Variants in VPS13D observed in about 807,000 individuals in gnomAD.
VPS13D encodes the protein vacuolar protein sorting 13 homolog D, also known as intermembrane lipid transfer protein VPS13D.
In VPS13D, 187 loss-of-function variants were observed where a neutral mutation model predicts 461.9. That is an observed-to-expected ratio of 0.40 (90% confidence interval 0.36 to 0.46). VPS13D has a LOEUF of 0.46. VPS13D is among the 20% of genes least tolerant of loss of function. The pLI, the probability that VPS13D is intolerant of heterozygous loss-of-function variation, is 0.60. For synonymous variants in VPS13D, 1,951 were observed against 1,986.3 expected (o/e 0.98, Z 0.47); for missense variants, 4,711 against 5,364.9 (o/e 0.88, Z 3.81).
rs538862365 is a variant in VPS13D at position 12,368,003 on chromosome 1, T to A, written c.10449-465T>A. 2.0e-5 allele frequency among the ~76,000 whole-genome samples: 3 copies of A among 152,302 alleles called. 1 individual carries two copies. The highest frequency in any genetic ancestry group is 6.5e-5 in the Admixed American group (1 of 15,296). On this transcript the variant is annotated intron_variant, in intron 52 of 69. Transcript: ENST00000620676. ...CCAGGCTGGTCTCGAACTCCTGGGC[T>A]AAAGTGATCCTCCCACCTTGGCCTC...
chr1:12,258,310 G>T (rs934439796), intron 10 of VPS13D, among the ~76,000 whole-genome samples: 4 of 152,198 alleles, frequency 2.6e-5, no homozygotes, highest in African/African-American at 9.7e-5. Flanking sequence ...GGGCCATGGG[G>T]TAGGAGGAAG....
chr1:12,412,450 A>AC (rs1644741790), intron 63 of VPS13D, among the ~76,000 whole-genome samples: 5 of 152,372 alleles, frequency 3.3e-5, no homozygotes, highest in African/African-American at 1.2e-4. Context: ...TGGCATTAGT[A>AC]GAAAGCAGAG....
chr1:12,335,822 G>A lies in VPS13D; in HGVS notation c.8546G>A (p.Gly2849Glu). 1 of 1,614,026 alleles carries A rather than the reference G, an allele frequency of 6.2e-7. No homozygotes were observed. Among genetic ancestry groups the A allele is most frequent in the Non-Finnish European group, 8.5e-7 (1 of 1,179,954 alleles). Residue 2849 changes from glycine (G) to glutamate (E), a missense_variant, in exon 39 of 70, where the codon GGA (glycine) becomes GAA (glutamate). Transcript: ENST00000620676. ...TCTTCGGTGGATCCTCCATGTTTTG[G>A]ACAAAGTAAGAGTTTTCACTACATG... Reference protein sequence around the residue: ...MGSSVDPPCFGQSLPLVYLRT... With the variant: ...MGSSVDPPCFEQSLPLVYLRT...
In VPS13D at chr1:12,349,316, A is replaced by G. The variant is rs1317642802; in HGVS notation, c.9373A>G (p.Ile3125Val). 1.2e-6 allele frequency: 2 copies of G among 1,614,108 alleles called. No individual in the cohort carries two copies. The highest frequency in any genetic ancestry group is 2.7e-5 in the African/African-American group (2 of 74,940). Residue 3125 changes from isoleucine (I) to valine (V), a missense_variant, in exon 46 of 70, where the codon ATT becomes GTT. By Grantham distance (29) the Ile-to-Val change is conservative. This residue lies in a region of VPS13D where 4,411 missense variants were observed against 4,937.8 expected (regional missense o/e 0.89). Transcript: ENST00000620676. ...GACCAATGTAGTGAAGACTGCAGAA[A>G]TTAGTAGCAGTAAACGAGAGTGCCA... Reference protein sequence around the residue: ...HWTNVVKTAEISSSKRECHSM... With the variant: ...HWTNVVKTAEVSSSKRECHSM...
intron 67 of VPS13D, among the ~76,000 whole-genome samples, chr1:12,469,728 A>G (rs527496545): frequency 6.6e-6 from 1 of 152,348 alleles, no homozygotes; most frequent in African/African-American, 2.4e-5. Flanking sequence ...TAGAAGTAAC[A>G]ATTGGAAATA....
chr1:12,327,882 A>G, intron 36 of VPS13D, 28 bp downstream of exon 36: 1 of 1,601,654 alleles, frequency 6.2e-7, no homozygotes, highest in Non-Finnish European at 8.5e-7. Flanking sequence ...TTTCAGATTC[A>G]TCTTGAATAT....
chr1:12,500,233 C>G, intron 68 of VPS13D: 2 of 983,842 alleles, frequency 2.0e-6, no homozygotes, highest in Non-Finnish European at 2.4e-6. Context: ...GATTTCTGGT[C>G]TGGCCAGCTG....
intron 5 of VPS13D, among the ~76,000 whole-genome samples, chr1:12,245,515 C>T (rs1173399790): frequency 6.6e-6 from 1 of 152,050 alleles, no homozygotes; most frequent in African/African-American, 2.4e-5. Flanking sequence ...CAAGGTTGTG[C>T]GTTGGTCACC....
chr1:12,401,531 A>G (rs1172969946), intron 61 of VPS13D, 77 bp from the exon 62 acceptor site: 1 of 1,052,024 alleles, frequency 9.5e-7, no homozygotes, highest in Non-Finnish European at 1.4e-6. Context: ...ATACCATGTC[A>G]TTGAGGCCTT....
rs183356420 is a variant in VPS13D at position 12,380,659 on chromosome 1, G to T, written c.11190+1063G>T. The stretch of plus-strand genomic sequence containing the variant: ...GCAGTAGACTAGCACCTGCAATTGT[G>T]TGTGCAGTTCTGTCCAGCCTGGGAT... On this transcript the variant is annotated intron_variant, in intron 57 of 69. Coordinates refer to ENST00000620676, the MANE Select transcript of VPS13D (RefSeq NM_015378.4). 1.3e-4 allele frequency among the ~76,000 whole-genome samples: 20 copies of T among 152,340 alleles called. No individual in the cohort carries two copies. In the East Asian group the frequency reaches 3.3e-3, roughly 25 times the overall value.
chr1:12,467,406 A>G (rs947396576), intron 67 of VPS13D, among the ~76,000 whole-genome samples: 6 of 152,202 alleles, frequency 3.9e-5, no homozygotes, highest in African/African-American at 7.2e-5. Flanking sequence ...TCCTGACCTC[A>G]TGATCTGCCG....
At chr1:12,411,565 GAA>G (rs1458778099) in intron 63 of VPS13D, among the ~76,000 whole-genome samples, 1 of 151,050 alleles carries the variant, frequency 6.6e-6, no homozygotes, top group Non-Finnish European at 1.5e-5. Flanking sequence ...GGGAGGGAGA[GAA>G]AGAAAACATT....
chr1:12,277,276 G>A lies in VPS13D; in HGVS notation c.3688G>A (p.Val1230Ile), dbSNP rs778915150. ...LQLMDLTQDNVKNQYVVSIGN... is the reference protein window; with the variant it reads ...LQLMDLTQDNIKNQYVVSIGN... ...GCTTATGGATTTGACACAAGATAACGTTAAAAACCAGTATGTTGTCAGCAT... is the reference window on the plus strand; with the variant it reads ...GCTTATGGATTTGACACAAGATAACATTAAAAACCAGTATGTTGTCAGCAT... The change falls in exon 19 of 70, where the codon GTT becomes ATT. Residue 1230 changes from valine to isoleucine, a missense_variant. By Grantham distance (29) the Val-to-Ile change is conservative (BLOSUM62 3). Around this residue, in one of 3 missense-constraint regions of VPS13D, gnomAD observed 4,411 missense variants for 4,937.8 expected, o/e 0.89. Coordinates refer to ENST00000620676, the MANE Select transcript of VPS13D (RefSeq NM_015378.4). 2.2e-5 allele frequency: 36 copies of A among 1,614,076 alleles called. No homozygotes were observed. The highest frequency in any genetic ancestry group is 6.7e-5 in the East Asian group (3 of 44,900).
intron 65 of VPS13D, among the ~76,000 whole-genome samples, chr1:12,453,481 G>A (rs1391220573): frequency 1.3e-5 from 2 of 152,104 alleles, no homozygotes; most frequent in Admixed American, 1.3e-4. Flanking sequence ...GTGTCCCCTG[G>A]AGACACACAG....
rs139045463 is a variant in VPS13D, at chr1:12,268,816, A to G, written c.1912A>G (p.Asn638Asp). The G allele has an allele frequency of 6.2e-7, 1 of 1,613,806 alleles. No homozygotes were observed. The highest frequency in any genetic ancestry group is 1.3e-5 in the African/African-American group (1 of 74,892). Reference protein sequence around the residue: ...VSTRPLNIIYNPQAIKKVADF... With the variant: ...VSTRPLNIIYDPQAIKKVADF... ...CACAAGGCCCTTGAACATCATATAC[A>G]ATCCGCAGGCCATTAAAAAAGTAGC... The change falls in exon 16 of 70, where the codon AAT (asparagine) becomes GAT (aspartate). Residue 638 changes from asparagine to aspartate, a missense_variant. Asn to Asp is a conservative substitution (Grantham distance 23). This residue lies in a region of VPS13D where 4,411 missense variants were observed against 4,937.8 expected (regional missense o/e 0.89). Transcript: ENST00000620676.
chr1:12,280,534 G>A (rs994065249), intron 20 of VPS13D, among the ~76,000 whole-genome samples: 1 of 150,894 alleles, frequency 6.6e-6, no homozygotes, highest in Non-Finnish European at 1.5e-5. Context: ...GGAGTCTCAG[G>A]CTACAGTGCC....
rs113554042 is a variant in VPS13D, at chr1:12,299,901, CT to C, written c.6216+530del. On this transcript the variant is annotated intron_variant, in intron 25 of 69. Transcript: ENST00000620676. The surrounding 1 kb of genome is among the most constrained non-coding windows in gnomAD (Gnocchi z 4.2). Reference sequence around the variant, plus strand: ...TTACAGTTTTAAATTACTGTGGCACCTTTTTTTTTTTTTCAACTTTTGTTTT... The same window carrying C: ...TTACAGTTTTAAATTACTGTGGCACCTTTTTTTTTTTTCAACTTTTGTTTT... 4.0e-3 allele frequency among the ~76,000 whole-genome samples: 555 copies of C among 138,388 alleles called. 4 individuals carry two copies. Among genetic ancestry groups the C allele is most frequent in the African/African-American group, 9.6e-3 (362 of 37,798 alleles). The allele number at this position is 138,388 out of a possible 152,430, so 90.8% of individuals were successfully genotyped here.
intron 65 of VPS13D, among the ~76,000 whole-genome samples, chr1:12,419,790 T>G (rs922060372): frequency 1.3e-5 from 2 of 152,200 alleles, no homozygotes; most frequent in African/African-American, 4.8e-5. Context: ...TCACATTGCT[T>G]AACATCAGGG....
At position 12,276,026 on chromosome 1, in the gene VPS13D, T is replaced by C. The variant is rs746127708; in HGVS notation, c.2438T>C (p.Met813Thr). The C allele has an allele frequency of 1.9e-6, 3 of 1,614,050 alleles. No homozygotes were observed. The change falls in exon 19 of 70, where the codon ATG becomes ACG. Residue 813 changes from methionine (M) to threonine (T), a missense_variant. Around this residue, in one of 3 missense-constraint regions of VPS13D, gnomAD observed 4,411 missense variants for 4,937.8 expected, o/e 0.89. Transcript: ENST00000620676. The surrounding 1 kb of genome is among the most constrained non-coding windows in gnomAD (Gnocchi z 4.5). ...QLQAHLMSTK[M>T]YERYSLSFMD... ...CAAGCACATTTAATGAGCACAAAGATGTATGAGAGGTACTCGCTGTCATTT... is the reference window on the plus strand; with the variant it reads ...CAAGCACATTTAATGAGCACAAAGACGTATGAGAGGTACTCGCTGTCATTT...
Sources: gnomAD v4.1 joint callset for allele counts (sites outside exome capture counted in the v4.1 genomes callset) on GRCh38, gnomAD v4.1.1 for gene constraint, gnomAD v4.1.1 regional missense constraint, Gnocchi (gnomAD v3.1) non-coding constraint, MANE v1.5 for transcripts, NCBI Gene and HGNC (gene_info 2026-07-23, HGNC 2026-07-21) for gene names.